The following CNOT2 variants were observed in gnomAD, a reference collection of about 807,000 sequenced individuals.
CNOT2 encodes CC chemokine receptor 4-negative regulator of transcription 2.
A neutral mutation model predicts 72.1 loss-of-function variants in CNOT2; 7 were observed. The ratio of observed to expected loss-of-function variants is 0.10; its 90% CI spans 0.06 to 0.18. The LOEUF is 0.18. Ranked by LOEUF, CNOT2 falls within the 10% of genes least tolerant of loss-of-function variation. CNOT2 has a pLI of 1.00. For synonymous variants in CNOT2, 196 were observed against 225.6 expected, an observed-to-expected ratio of 0.87 and a Z score of 1.17; for missense variants, 345 against 660.3, an observed-to-expected ratio of 0.52 and a Z score of 5.23.
At chr12:70,247,176 T>C (rs1957916863) in intron 1 of CNOT2, among the ~76,000 whole-genome samples, 1 of 152,070 alleles carries the variant, frequency 6.6e-6, no homozygotes, top group Non-Finnish European at 1.5e-5. Flanking sequence ...TCTTTTTTTT[T>C]TTTCTTTGAG....
intron 1 of CNOT2, among the ~76,000 whole-genome samples, chr12:70,260,967 G>A (rs1958721661): frequency 6.6e-6 from 1 of 151,396 alleles, no homozygotes; most frequent in South Asian, 2.1e-4. Context: ...TATAAGGAAA[G>A]CATTCAGACT....
chr12:70,344,528 C>G (rs1443403272), intron 14 of CNOT2: 2 of 258,412 alleles, frequency 7.7e-6, no homozygotes, highest in Admixed American at 5.2e-5. Context: ...TTAGGGACAG[C>G]CTGGGCAACA....
intron 3 of CNOT2, among the ~76,000 whole-genome samples, chr12:70,317,681 G>C (rs1877593716): frequency 7.1e-6 from 1 of 140,586 alleles, no homozygotes; most frequent in South Asian, 2.2e-4. Context: ...TTTCTTTAGA[G>C]TGGTGTATAA....
At chr12:70,352,787 C>T (rs1415429386) in intron 15 of CNOT2, among the ~76,000 whole-genome samples, 1 of 152,102 alleles carries the variant, frequency 6.6e-6, no homozygotes, top group Non-Finnish European at 1.5e-5. Context: ...TATTCTGCAT[C>T]TCTATTCTTG....
intron 1 of CNOT2, among the ~76,000 whole-genome samples, chr12:70,274,536 A>C (rs935236809): frequency 6.6e-6 from 1 of 152,082 alleles, no homozygotes; most frequent in African/African-American, 2.4e-5. Context: ...TATTTTAGAT[A>C]CTATTTTCAG....
intron 2 of CNOT2, among the ~76,000 whole-genome samples, chr12:70,290,129 G>GTA (rs893774603): frequency 6.6e-6 from 1 of 151,662 alleles, no homozygotes; most frequent in African/African-American, 2.4e-5. Flanking sequence ...TCTGAATTAT[G>GTA]TAAATTATGT....
At chr12:70,335,253 C>T (rs1455491465) in intron 7 of CNOT2, 185 bp from the exon 8 acceptor site, 4 of 468,260 alleles carry the variant, frequency 8.5e-6, no homozygotes, top group African/African-American at 7.9e-5. Context: ...CTAAATTGTT[C>T]ATGGAATTCT....
intron 1 of CNOT2, among the ~76,000 whole-genome samples, chr12:70,246,157 GAACTT>G (rs1957867523): frequency 6.6e-6 from 1 of 152,086 alleles, no homozygotes; most frequent in Non-Finnish European, 1.5e-5. Flanking sequence ...CCAATGAAAA[GAACTT>G]AGCTTACAAT....
At chr12:70,319,146 A>G in intron 3 of CNOT2, 152 bp from the exon 4 acceptor site, 2 of 522,320 alleles carry the variant, frequency 3.8e-6, no homozygotes, top group Admixed American at 7.1e-5. Context: ...AGAAACATGG[A>G]ATATATTATA....
chr12:70,302,996 T>C (rs1293737976), intron 2 of CNOT2, among the ~76,000 whole-genome samples: 6 of 152,216 alleles, frequency 3.9e-5, no homozygotes, highest in Non-Finnish European at 8.8e-5. Flanking sequence ...CTTTTGATCT[T>C]TGTTGGTTTA....
At chr12:70,316,901 G>A (rs10784837) in intron 3 of CNOT2, among the ~76,000 whole-genome samples, 32,753 of 152,020 alleles carry the variant, frequency 0.22, 3,994 homozygotes, top group African/African-American at 0.33. Context: ...AGACTAAAAT[G>A]TGTGTTGTCT....
intron 1 of CNOT2, among the ~76,000 whole-genome samples, chr12:70,252,767 A>T (rs1565727091): frequency 6.6e-6 from 1 of 152,220 alleles, no homozygotes; most frequent in Non-Finnish European, 1.5e-5. Flanking sequence ...AATGTAGATA[A>T]AAATAAATAA....
intron 2 of CNOT2, among the ~76,000 whole-genome samples, chr12:70,303,985 C>T (rs1024349763): frequency 1.3e-5 from 2 of 152,202 alleles, no homozygotes; most frequent in Non-Finnish European, 2.9e-5. Context: ...CCCTTTCTTC[C>T]AGCTGATCTC....
At chr12:70,350,084 C>T (rs1047071024) in intron 15 of CNOT2, among the ~76,000 whole-genome samples, 7 of 152,034 alleles carry the variant, frequency 4.6e-5, no homozygotes, top group South Asian at 4.2e-4. Context: ...GCCATGTTCT[C>T]CTGTGTCGTT....
intron 15 of CNOT2, among the ~76,000 whole-genome samples, chr12:70,351,316 C>G (rs1013283275): frequency 2.6e-5 from 4 of 152,028 alleles, no homozygotes; most frequent in African/African-American, 9.7e-5. Context: ...GACACTTGCT[C>G]CTACAGAATG....
chr12:70,326,898 C>T (rs1004739032), intron 4 of CNOT2, among the ~76,000 whole-genome samples: 3 of 151,798 alleles, frequency 2.0e-5, no homozygotes, highest in Non-Finnish European at 2.9e-5. Context: ...TTATTCCATA[C>T]GGTCTCTGTC....
At chr12:70,332,647 G>A in intron 6 of CNOT2, 120 bp from the exon 7 acceptor site, 1 of 1,265,068 alleles carries the variant, frequency 7.9e-7, no homozygotes, top group Non-Finnish European at 1.0e-6. Context: ...AATAATATTA[G>A]TGTTGGTTTT....
At chr12:70,304,001 C>G (rs1032823578) in intron 2 of CNOT2, among the ~76,000 whole-genome samples, 4 of 152,210 alleles carry the variant, frequency 2.6e-5, no homozygotes, top group African/African-American at 9.6e-5. Context: ...ATCTCATTGG[C>G]TACTGAGGCT....
At chr12:70,314,291 G>T (rs1565802416) in intron 3 of CNOT2, among the ~76,000 whole-genome samples, 2 of 152,182 alleles carry the variant, frequency 1.3e-5, no homozygotes, top group East Asian at 3.9e-4. Flanking sequence ...TTTTATGTCA[G>T]CTACCTGATT....
Sources: allele counts gnomAD v4.1 joint callset (sites outside exome capture counted in the v4.1 genomes callset), GRCh38; gene constraint gnomAD v4.1.1; transcripts MANE v1.5; gene names NCBI Gene and HGNC (gene_info 2026-07-23, HGNC 2026-07-21).